RANBP17: variants seen among roughly 807,000 people sequenced by gnomAD.
RANBP17 encodes ran-binding protein 17.
A neutral mutation model predicts 141.2 loss-of-function variants in RANBP17; 158 were observed. The ratio of observed to expected loss-of-function variants is 1.12; its 90% CI spans 0.98 to 1.28. The LOEUF is 1.28. RANBP17 is among the 50% of genes most tolerant of loss of function. The pLI is 0.00. For synonymous variants in RANBP17, 430 were observed against 450.0 expected (o/e 0.96, Z 0.56); for missense variants, 1,438 against 1,290.7 (o/e 1.11, Z -1.75).
chr5:171,169,914 G>A (rs369928066), intron 14 of RANBP17, among the ~76,000 whole-genome samples: 16 of 151,846 alleles, frequency 1.1e-4, no homozygotes, highest in African/African-American at 2.7e-4. Context: ...GTGTGTAAGC[G>A]TTTATATATT....
At chr5:170,980,744 G>C (rs1324726138) in intron 14 of RANBP17, among the ~76,000 whole-genome samples, 1 of 152,248 alleles carries the variant, frequency 6.6e-6, no homozygotes, top group African/African-American at 2.4e-5. Context: ...GGCCCTCATG[G>C]AGAACCTCTG....
rs752716651 is a variant in RANBP17 at position 170,911,173 on chromosome 5, A to G, written c.760+39A>G. 20 of 1,571,262 alleles carry G rather than the reference A, an allele frequency of 1.3e-5. No individual in the cohort carries two copies. The Middle Eastern group carries it at 2.0e-3, about 159-fold the overall frequency. ...TTGGTATGAAGGGTCATCAACATAA[A>G]GGCACAGTATTAAGCAATATAGTTT... is the stretch of plus-strand genomic sequence containing the variant. On this transcript the variant is annotated intron_variant, in intron 7 of 27. Coordinates refer to ENST00000523189, the MANE Select transcript of RANBP17 (RefSeq NM_022897.5).
chr5:171,106,876 G>T (rs1000443354), intron 14 of RANBP17, among the ~76,000 whole-genome samples: 1 of 151,916 alleles, frequency 6.6e-6, no homozygotes, highest in Non-Finnish European at 1.5e-5. Context: ...CATTATGTTT[G>T]TATATGTTTG....
In RANBP17 at chr5:170,895,540, A is replaced by G. The variant is rs1246160411; in HGVS notation, c.424-510A>G. Among the ~76,000 whole-genome samples the G allele has an allele frequency of 2.6e-5, 4 of 152,324 alleles. No homozygotes were observed. In the East Asian group the frequency reaches 7.7e-4, roughly 29 times the overall value. On this transcript the variant is annotated intron_variant, in intron 4 of 27. Coordinates refer to ENST00000523189, the MANE Select transcript of RANBP17 (RefSeq NM_022897.5). ...TGTAACAATTTCATATACATGCACA[A>G]TTAATGTTAAAAGAGCCTAAGTGAT...
rs371022031 is a variant in RANBP17, at chr5:171,107,255, C to T, written c.1711-62875C>T. 4.8e-4 allele frequency among the ~76,000 whole-genome samples: 73 copies of T among 152,298 alleles called. 1 individual carries two copies. In the South Asian group the frequency reaches 0.015, roughly 31 times the overall value. ...GTACTCATTTTATTACACTGCTCTTCTTCTCTGTTGCCTGGTATCAAAGGA... is the reference window on the plus strand; with the variant it reads ...GTACTCATTTTATTACACTGCTCTTTTTCTCTGTTGCCTGGTATCAAAGGA... On this transcript the variant is annotated intron_variant, in intron 14 of 27. Coordinates refer to ENST00000523189, the MANE Select transcript of RANBP17 (RefSeq NM_022897.5).
At chr5:171,173,354 C>A (rs1039486448) in intron 16 of RANBP17, among the ~76,000 whole-genome samples, 1 of 151,876 alleles carries the variant, frequency 6.6e-6, no homozygotes, top group African/African-American at 2.4e-5. Context: ...AGATCAAAAC[C>A]ATCACCTATA....
At chr5:170,989,475 A>G (rs1778363054) in intron 14 of RANBP17, among the ~76,000 whole-genome samples, 2 of 151,796 alleles carry the variant, frequency 1.3e-5, no homozygotes, top group South Asian at 4.1e-4. Flanking sequence ...TGAATGAGGA[A>G]TATTGTGGAT....
intron 14 of RANBP17, among the ~76,000 whole-genome samples, chr5:171,080,061 T>A (rs774146627): frequency 7.9e-5 from 12 of 152,110 alleles, no homozygotes; most frequent in Non-Finnish European, 1.6e-4. Flanking sequence ...ACCCTTCGGA[T>A]CCACTCATGC....
At chr5:170,909,631 G>A in intron 5 of RANBP17, 30 bp from the exon 6 acceptor site, 2 of 917,148 alleles carry the variant, frequency 2.2e-6, no homozygotes, top group South Asian at 1.9e-5. Context: ...CATAGGTCTG[G>A]TTAAACTAAT....
intron 25 of RANBP17, among the ~76,000 whole-genome samples, chr5:171,290,327 T>C (rs906904932): frequency 5.3e-5 from 8 of 149,766 alleles, no homozygotes; most frequent in African/African-American, 2.0e-4. Flanking sequence ...GAGATTGTGC[T>C]ATTGCACTCC....
chr5:171,082,230 T>G (rs757374727), intron 14 of RANBP17, among the ~76,000 whole-genome samples: 2 of 152,036 alleles, frequency 1.3e-5, no homozygotes, highest in African/African-American at 2.4e-5. Flanking sequence ...CACACACACA[T>G]ATAGAATATA....
At chr5:171,086,242 C>T (rs1412561014) in intron 14 of RANBP17, among the ~76,000 whole-genome samples, 13 of 133,524 alleles carry the variant, frequency 9.7e-5, no homozygotes, top group East Asian at 2.6e-4. Context: ...TTGTCTTTGG[C>T]TCTGTTTATA....
chr5:171,073,641 G>A (rs2446043), intron 14 of RANBP17, among the ~76,000 whole-genome samples: 140,276 of 152,124 alleles, frequency 0.92, 64,862 homozygotes, highest in East Asian at 1. Flanking sequence ...GTGTACATGT[G>A]TGTAAAGGCC....
At chr5:171,168,045 C>T (rs937727553) in intron 14 of RANBP17, among the ~76,000 whole-genome samples, 7 of 152,130 alleles carry the variant, frequency 4.6e-5, no homozygotes, top group East Asian at 1.9e-4. Flanking sequence ...ATTAAAGCCA[C>T]GTAGTATTCA....
chr5:171,290,321 T>C (rs757250511), intron 25 of RANBP17, among the ~76,000 whole-genome samples: 2 of 151,816 alleles, frequency 1.3e-5, no homozygotes, highest in Admixed American at 6.6e-5. Flanking sequence ...TGAGCTGAGA[T>C]TGTGCTATTG....
Position 170,892,368 on chromosome 5 carries a change from T to C in RANBP17, c.257-19T>C, listed in dbSNP as rs748263031. The C allele has an allele frequency of 4.5e-6, 6 of 1,341,870 alleles. No homozygotes were observed. Among genetic ancestry groups the C allele is most frequent in the Admixed American group, 2.1e-5 (1 of 48,468 alleles). The allele number at this position is 1,341,870 out of a possible 1,614,324, so 83.1% of individuals were successfully genotyped here. A position where few individuals can be genotyped will look rare whatever the true frequency, so the allele number is the denominator to read the frequency against. ...GTTTCTGAAAAGTCCAGATGACCCA[T>C]GGAGTGTTTTCTTTGTAGGAAACTA... On this transcript the variant is annotated intron_variant, in intron 3 of 27. Coordinates refer to ENST00000523189, the MANE Select transcript of RANBP17 (RefSeq NM_022897.5).
intron 14 of RANBP17, among the ~76,000 whole-genome samples, chr5:171,102,042 AC>A (rs1293796781): frequency 3.3e-5 from 5 of 151,702 alleles, no homozygotes; most frequent in Non-Finnish European, 4.4e-5. Context: ...CTTCATTTCA[AC>A]CTTGGAGAAT....
At chr5:171,155,610 CACA>C (rs1479841080) in intron 14 of RANBP17, among the ~76,000 whole-genome samples, 1 of 152,022 alleles carries the variant, frequency 6.6e-6, no homozygotes, top group African/African-American at 2.4e-5. Context: ...AGATAACTCC[CACA>C]AATTCCTAAT....
At chr5:171,183,456 T>C (rs764789021) in intron 18 of RANBP17, 26 bp downstream of exon 18, 2 of 1,444,936 alleles carry the variant, frequency 1.4e-6, no homozygotes, top group South Asian at 2.3e-5. Flanking sequence ...TAAACTCAAT[T>C]AATAAGGGAT....
Sources: gnomAD v4.1 joint callset for allele counts (sites outside exome capture counted in the v4.1 genomes callset) on GRCh38, gnomAD v4.1.1 for gene constraint, MANE v1.5 for transcripts, NCBI Gene and HGNC (gene_info 2026-07-23, HGNC 2026-07-21) for gene names.